LUZP2: variants seen among roughly 807,000 people sequenced by gnomAD.
The protein encoded by LUZP2 is leucine zipper protein 2.
In LUZP2, 52 loss-of-function variants were observed where a neutral mutation model predicts 51.6. That is an observed-to-expected ratio of 1.01 (90% confidence interval 0.81 to 1.27). LUZP2 has a LOEUF of 1.27. Ranked by LOEUF, LUZP2 falls within the 50% of genes most tolerant of loss-of-function variation. The pLI is 0.00. For missense variants in LUZP2, 436 were observed against 395.4 expected (o/e 1.10, Z -0.87); for synonymous variants, 154 against 137.3 (o/e 1.12, Z -0.85).
chr11:24,982,216 T>G (rs915740699), intron 8 of LUZP2, among the ~76,000 whole-genome samples: 2 of 151,848 alleles, frequency 1.3e-5, no homozygotes, highest in Non-Finnish European at 2.9e-5. Context: ...CTCAAAGAGG[T>G]AAAAGCAGAA....
intron 10 of LUZP2, among the ~76,000 whole-genome samples, chr11:25,076,821 A>T (rs564703462): frequency 4.0e-5 from 6 of 150,408 alleles, no homozygotes; most frequent in African/African-American, 1.5e-4. Flanking sequence ...GTAAGATCAG[A>T]TATTCTGGCC....
At chr11:24,686,245 G>A (rs12295082) in intron 1 of LUZP2, among the ~76,000 whole-genome samples, 8 of 146,890 alleles carry the variant, frequency 5.4e-5, no homozygotes, top group African/African-American at 1.9e-4. Context: ...AATTGGCTAA[G>A]TTGCTTACTT....
At chr11:24,509,954 T>C (rs1316280210) in intron 1 of LUZP2, among the ~76,000 whole-genome samples, 1 of 152,188 alleles carries the variant, frequency 6.6e-6, no homozygotes, top group East Asian at 1.9e-4. Context: ...GTGGGCAATG[T>C]GTGAGGGAGA....
chr11:24,938,596 C>T lies in LUZP2; in HGVS notation c.522+24058C>T, dbSNP rs187761677. On this transcript the variant is annotated intron_variant, in intron 7 of 11. Coordinates refer to ENST00000336930, the MANE Select transcript of LUZP2 (RefSeq NM_001009909.4). ...GTGGATTTTTTTTTTTCTAATTGAG[C>T]AGAAACTATGTTAACTCAATGTTGC... Among the ~76,000 whole-genome samples the T allele has an allele frequency of 4.0e-5, 6 of 151,262 alleles. No homozygotes were observed. In the East Asian group the frequency reaches 1.2e-3, roughly 29 times the overall value.
At chr11:24,583,766 C>T (rs1852958765) in intron 1 of LUZP2, among the ~76,000 whole-genome samples, 1 of 149,368 alleles carries the variant, frequency 6.7e-6, no homozygotes. Flanking sequence ...CTCAGTGGGG[C>T]GATCTCGGCT....
At chr11:24,576,120 T>A (rs1403375968) in intron 1 of LUZP2, among the ~76,000 whole-genome samples, 1 of 152,000 alleles carries the variant, frequency 6.6e-6, no homozygotes, top group African/African-American at 2.4e-5. Context: ...TTTTCTAATT[T>A]AAAAAATGGA....
intron 9 of LUZP2, among the ~76,000 whole-genome samples, chr11:25,019,191 A>G (rs1174246226): frequency 6.6e-6 from 1 of 152,186 alleles, no homozygotes; most frequent in East Asian, 1.9e-4. Context: ...ACCTTATAGT[A>G]TCATATAGAA....
At position 24,759,329 on chromosome 11, in the gene LUZP2, T is replaced by C. The variant is rs537804815; in HGVS notation, c.334-3917T>C. On this transcript the variant is annotated intron_variant, in intron 4 of 11. Coordinates refer to ENST00000336930, the MANE Select transcript of LUZP2 (RefSeq NM_001009909.4). ...TGTATTTTCTGTTTCTGAGAATTAT[T>C]GTATAACTATCAATAGGAATGCTTA... Among the ~76,000 whole-genome samples, 180 of 152,304 alleles carry C rather than the reference T, an allele frequency of 1.2e-3. 1 individual carries two copies. The highest frequency in any genetic ancestry group is 4.3e-3 in the African/African-American group (177 of 41,584).
At chr11:24,610,738 G>T (rs1854090551) in intron 1 of LUZP2, among the ~76,000 whole-genome samples, 1 of 152,158 alleles carries the variant, frequency 6.6e-6, no homozygotes, top group South Asian at 2.1e-4. Context: ...TTGAGGCCAG[G>T]AGTTCCAGAC....
chr11:25,024,423 G>A (rs900817335), intron 9 of LUZP2, among the ~76,000 whole-genome samples: 1 of 151,954 alleles, frequency 6.6e-6, no homozygotes, highest in African/African-American at 2.4e-5. Context: ...AAAATCCCCT[G>A]AAGCTGATAA....
chr11:25,026,560 C>T (rs1029266615), intron 9 of LUZP2, among the ~76,000 whole-genome samples: 7 of 151,930 alleles, frequency 4.6e-5, no homozygotes, highest in African/African-American at 1.7e-4. Context: ...TTAATTTTTA[C>T]AAATGTCCAG....
intron 7 of LUZP2, among the ~76,000 whole-genome samples, chr11:24,961,089 T>G (rs1185680938): frequency 6.6e-6 from 1 of 152,232 alleles, no homozygotes; most frequent in African/African-American, 2.4e-5. Flanking sequence ...AGTTCTAGTT[T>G]GATTGCACTG....
chr11:24,897,450 C>T (rs941704163), intron 5 of LUZP2, among the ~76,000 whole-genome samples: 2 of 151,994 alleles, frequency 1.3e-5, no homozygotes, highest in East Asian at 1.9e-4. Context: ...CTGAGGCCAG[C>T]GAAACCATGA....
At chr11:24,923,005 C>T (rs967233927) in intron 7 of LUZP2, among the ~76,000 whole-genome samples, 6 of 151,516 alleles carry the variant, frequency 4.0e-5, no homozygotes, top group African/African-American at 1.2e-4. Flanking sequence ...CCCGCCACCA[C>T]GCCTAGCTAA....
chr11:24,749,252 G>A (rs1859489959), intron 4 of LUZP2, among the ~76,000 whole-genome samples: 1 of 152,108 alleles, frequency 6.6e-6, no homozygotes, highest in African/African-American at 2.4e-5. Context: ...TTTGCCATAA[G>A]AAGATAAAAA....
At chr11:24,520,253 T>TCTACTCTA in intron 1 of LUZP2, among the ~76,000 whole-genome samples, 1 of 152,174 alleles carries the variant, frequency 6.6e-6, no homozygotes, top group South Asian at 2.1e-4. Flanking sequence ...AAAAAAAGGT[T>TCTACTCTA]AATATCTACT....
chr11:24,527,959 A>G (rs927359122), intron 1 of LUZP2, among the ~76,000 whole-genome samples: 22 of 151,192 alleles, frequency 1.5e-4, no homozygotes, highest in African/African-American at 5.3e-4. Flanking sequence ...GCATCCTAAC[A>G]AGGAGGAAAC....
At chr11:25,004,806 C>T (rs1856789298) in intron 9 of LUZP2, among the ~76,000 whole-genome samples, 1 of 152,162 alleles carries the variant, frequency 6.6e-6, no homozygotes, top group South Asian at 2.1e-4. Context: ...GGGATCCATA[C>T]TGGGGATGGT....
chr11:24,891,843 A>T lies in LUZP2; in HGVS notation c.397-14148A>T, dbSNP rs1465082980. 6.1e-6 allele frequency: 6 copies of T among 983,786 alleles called. No homozygotes were observed. In the African/African-American group the frequency reaches 8.7e-5, roughly 14 times the overall value. The allele number at this position is 983,786 out of a possible 1,614,324, so 60.9% of individuals were successfully genotyped here. A position where few individuals can be genotyped will look rare whatever the true frequency, so the allele number is the denominator to read the frequency against. On this transcript the variant is annotated intron_variant, in intron 5 of 11. Coordinates refer to ENST00000336930, the MANE Select transcript of LUZP2 (RefSeq NM_001009909.4). ...GATACGCTGCAACACTCTGCACTGA[A>T]CATCTGACTTCAATTAGCCAACCCT...
Sources: gnomAD v4.1 joint callset for allele counts (sites outside exome capture counted in the v4.1 genomes callset) on GRCh38, gnomAD v4.1.1 for gene constraint, MANE v1.5 for transcripts, NCBI Gene and HGNC (gene_info 2026-07-23, HGNC 2026-07-21) for gene names.